TSC22D2: variants seen among roughly 807,000 people sequenced by gnomAD.
The protein encoded by TSC22D2 is TSC22 domain family member 2, also known as TSC22 domain family protein 2.
TSC22D2 carries 5 observed loss-of-function variants against 50.1 expected under a neutral mutation model. The ratio of observed to expected loss-of-function variants is 0.10; its 90% confidence interval spans 0.05 to 0.21. The LOEUF (loss-of-function observed/expected upper bound fraction) is 0.21, where lower values mean the gene tolerates loss of function less well. Ranked by LOEUF, TSC22D2 falls within the 10% of genes least tolerant of loss-of-function variation. TSC22D2 has a pLI of 1.00. For synonymous variants in TSC22D2, 501 were observed against 450.1 expected (o/e 1.11, Z -1.43); for missense variants, 1,003 against 1,015.5 (o/e 0.99, Z 0.17).
chr3:150,460,908 T>C lies in TSC22D2; in HGVS notation c.*2272T>C, dbSNP rs1721378379. The C allele has an allele frequency of 6.6e-6, 1 of 152,206 alleles. No individual in the cohort carries two copies. Among genetic ancestry groups the C allele is most frequent in the South Asian group, 2.1e-4 (1 of 4,828 alleles). The allele number at this position is 152,206 out of a possible 1,614,324, so 9.4% of individuals were successfully genotyped here. A position where few individuals can be genotyped will look rare whatever the true frequency, so the allele number is the denominator to read the frequency against. ...AGGTTTAAAATGGTAACAGCAGTTA[T>C]TACTACTTTTATATTAAGAAAAACA... On this transcript the variant is annotated 3_prime_UTR_variant, in exon 3 of 3. Coordinates refer to ENST00000688009, the MANE Select transcript of TSC22D2 (RefSeq NM_001303264.2).
At chr3:150,427,170 G>C (rs986909667) in intron 1 of TSC22D2, among the ~76,000 whole-genome samples, 4 of 152,082 alleles carry the variant, frequency 2.6e-5, no homozygotes, top group African/African-American at 9.7e-5. Context: ...TCTAGTTTTT[G>C]AATGCTTGGT....
At position 150,459,617 on chromosome 3, in the gene TSC22D2, T is replaced by C. The variant is rs1351194245; in HGVS notation, c.*981T>C. 2 of 150,610 alleles carry C rather than the reference T, an allele frequency of 1.3e-5. No individual in the cohort carries two copies. Among genetic ancestry groups the C allele is most frequent in the Non-Finnish European group, 3.0e-5 (2 of 67,560 alleles). 9.3% of individuals were successfully genotyped at this position (150,610 alleles called of 1,614,324 possible). On this transcript the variant is annotated 3_prime_UTR_variant, in exon 3 of 3. Coordinates refer to ENST00000688009, the MANE Select transcript of TSC22D2 (RefSeq NM_001303264.2). ...TTTTTTTTTTATAATGCACATTCTT[T>C]ATGTATTTTTATTTAGTGTTTTCTC...
chr3:150,445,331 T>C (rs1720847556), intron 1 of TSC22D2, among the ~76,000 whole-genome samples: 1 of 144,108 alleles, frequency 6.9e-6, no homozygotes, highest in Admixed American at 6.9e-5. Flanking sequence ...ATAATAATAA[T>C]AATAATAATA....
At chr3:150,437,925 G>A (rs942071751) in intron 1 of TSC22D2, among the ~76,000 whole-genome samples, 1 of 152,088 alleles carries the variant, frequency 6.6e-6, no homozygotes, top group Non-Finnish European at 1.5e-5. Context: ...TCTGTATCAG[G>A]TTATGGTGTT....
intron 1 of TSC22D2, among the ~76,000 whole-genome samples, chr3:150,447,233 TGAAAA>T (rs770470749): frequency 6.6e-6 from 1 of 152,204 alleles, no homozygotes; most frequent in African/African-American, 2.4e-5. Context: ...GGCCATTAGA[TGAAAA>T]GAATAAGTAG....
At chr3:150,458,281 A>G in intron 2 of TSC22D2, 95 bp from the exon 3 acceptor site, 1 of 1,274,800 alleles carries the variant, frequency 7.8e-7, no homozygotes, top group Non-Finnish European at 1.1e-6. Flanking sequence ...GAGCAGGAAA[A>G]CTAGTATAAA....
At chr3:150,429,647 T>A (rs529028121) in intron 1 of TSC22D2, among the ~76,000 whole-genome samples, 10 of 152,206 alleles carry the variant, frequency 6.6e-5, no homozygotes, top group African/African-American at 2.4e-4. Context: ...TGAAGGTAGG[T>A]CATTGGGATT....
chr3:150,414,034 T>C (rs1249325222), intron 1 of TSC22D2, among the ~76,000 whole-genome samples: 1 of 152,196 alleles, frequency 6.6e-6, no homozygotes, highest in Admixed American at 6.5e-5. Flanking sequence ...AATGCAAAGT[T>C]CTATATTGGC....
chr3:150,423,083 T>C (rs919230973), intron 1 of TSC22D2: 34 of 1,613,066 alleles, frequency 2.1e-5, no homozygotes, highest in Non-Finnish European at 2.8e-5. Context: ...AGCGTTCCAT[T>C]TGAACACGTT....
At chr3:150,437,043 G>A (rs560165508) in intron 1 of TSC22D2, among the ~76,000 whole-genome samples, 7 of 151,944 alleles carry the variant, frequency 4.6e-5, no homozygotes, top group Non-Finnish European at 8.8e-5. Context: ...TTTTATTTAG[G>A]GGATTAATTT....
chr3:150,415,928 C>T (rs911621865), intron 1 of TSC22D2, among the ~76,000 whole-genome samples: 2 of 152,140 alleles, frequency 1.3e-5, no homozygotes, highest in African/African-American at 4.8e-5. Context: ...TTTCTCTGCA[C>T]CAGAAAAGAT....
rs1655372484 is a variant in TSC22D2, at chr3:150,465,846, T to C, written c.*7210T>C. 1 of 152,180 alleles carries C rather than the reference T, an allele frequency of 6.6e-6. No individual in the cohort carries two copies. Among genetic ancestry groups the C allele is most frequent in the African/African-American group, 2.4e-5 (1 of 41,444 alleles). 9.4% of individuals were successfully genotyped at this position (152,180 alleles called of 1,614,324 possible). A position where few individuals can be genotyped will look rare whatever the true frequency, so the allele number is the denominator to read the frequency against. ...ATCCACAATGTATACACTCATTATA[T>C]ACCCATTTTATAATGCCCATTAGTC... On this transcript the variant is annotated 3_prime_UTR_variant, in exon 3 of 3. Transcript: ENST00000688009.
chr3:150,431,869 G>A (rs550921145), intron 1 of TSC22D2, among the ~76,000 whole-genome samples: 76 of 152,138 alleles, frequency 5.0e-4, no homozygotes, highest in Non-Finnish European at 6.9e-4. Flanking sequence ...TTATATGTAT[G>A]TATTAAATTG....
At position 150,409,801 on chromosome 3, in the gene TSC22D2, C is replaced by G. The variant is rs766527760; in HGVS notation, c.451C>G (p.Pro151Ala). Residue 151 changes from proline to alanine, a missense_variant, in exon 1 of 3, where the codon CCA becomes GCA. By Grantham distance (27) the Pro-to-Ala change is conservative (BLOSUM62 -1). This residue lies in a region of TSC22D2 where 200 missense variants were observed against 182.8 expected (regional missense o/e 1.09). Transcript: ENST00000688009. This position sits in a 1 kb window ranked among gnomAD's most constrained non-coding sequence, Gnocchi z 7.4. ...ATCCGCCGGGCCAGTGACTGCAGCC[C>G]CATCTCAGCCTCCCACCACATGTAG... Reference protein sequence around the residue: ...GSSAGPVTAAPSQPPTTCSSR... With the variant: ...GSSAGPVTAAASQPPTTCSSR... The G allele has an allele frequency of 4.4e-6, 7 of 1,603,494 alleles. No individual in the cohort carries two copies. Among genetic ancestry groups the G allele is most frequent in the Non-Finnish European group, 5.9e-6 (7 of 1,179,946 alleles).
intron 1 of TSC22D2, among the ~76,000 whole-genome samples, chr3:150,436,681 T>C (rs939473938): frequency 6.6e-6 from 1 of 152,178 alleles, no homozygotes; most frequent in African/African-American, 2.4e-5. Flanking sequence ...CTTCACCAGG[T>C]GATTACATTA....
At chr3:150,434,304 G>A (rs1720470118) in intron 1 of TSC22D2, among the ~76,000 whole-genome samples, 1 of 151,828 alleles carries the variant, frequency 6.6e-6, no homozygotes, top group African/African-American at 2.4e-5. Flanking sequence ...ACCACGCCCT[G>A]CTAATTTTTG....
Position 150,410,264 on chromosome 3 carries a change from T to C in TSC22D2, c.914T>C (p.Met305Thr). The C allele has an allele frequency of 6.4e-7, 1 of 1,557,918 alleles. No individual in the cohort carries two copies. The highest frequency in any genetic ancestry group is 8.7e-7 in the Non-Finnish European group (1 of 1,152,162). The change falls in exon 1 of 3, where the codon ATG (methionine) becomes ACG (threonine). Residue 305 changes from methionine to threonine, a missense_variant. By Grantham distance (81) the Met-to-Thr change is moderately conservative. Around this residue, in one of 6 missense-constraint regions of TSC22D2, gnomAD observed 696 missense variants for 647.8 expected, o/e 1.07. Coordinates refer to ENST00000688009, the MANE Select transcript of TSC22D2 (RefSeq NM_001303264.2). ...FPGAATGPQP[M>T]MAAAQPSQPQ... Reference sequence around the variant, plus strand: ...GGAGCCGCGACCGGGCCGCAGCCAATGATGGCAGCCGCGCAGCCCAGCCAG... The same window carrying C: ...GGAGCCGCGACCGGGCCGCAGCCAACGATGGCAGCCGCGCAGCCCAGCCAG...
chr3:150,453,540 A>C (rs1721105832), intron 1 of TSC22D2, among the ~76,000 whole-genome samples: 1 of 152,210 alleles, frequency 6.6e-6, no homozygotes, highest in African/African-American at 2.4e-5. Flanking sequence ...AGTTTGTTAA[A>C]ATAGATTACG....
chr3:150,417,968 T>A (rs1233409352), intron 1 of TSC22D2, among the ~76,000 whole-genome samples: 1 of 152,120 alleles, frequency 6.6e-6, no homozygotes, highest in African/African-American at 2.4e-5. Context: ...TTTTCTTTTT[T>A]GAGACTTTGT....
Sources: gnomAD v4.1 joint callset for allele counts (sites outside exome capture counted in the v4.1 genomes callset) on GRCh38, gnomAD v4.1.1 for gene constraint, gnomAD v4.1.1 regional missense constraint, Gnocchi (gnomAD v3.1) non-coding constraint, MANE v1.5 for transcripts, NCBI Gene and HGNC (gene_info 2026-07-23, HGNC 2026-07-21) for gene names.